Variants in ADAR observed in about 807,000 individuals in gnomAD.
ADAR encodes double-stranded RNA-specific adenosine deaminase.
Under a neutral mutation model 113.2 loss-of-function variants are expected in ADAR, and 41 were observed. The ratio of observed to expected loss-of-function variants is 0.36; its 90% CI spans 0.28 to 0.47. The LOEUF (loss-of-function observed/expected upper bound fraction) is 0.47. ADAR is among the 20% of genes least tolerant of loss of function. The pLI is 1.00. For missense variants in ADAR, 1,242 were observed against 1,540.9 expected, an observed-to-expected ratio of 0.81 and a Z score of 3.25; for synonymous variants, 605 against 572.6, an observed-to-expected ratio of 1.06 and a Z score of -0.81.
upstream of ADAR, among the ~76,000 whole-genome samples, chr1:154,609,919 C>T (rs934243401): frequency 5.9e-5 from 9 of 152,286 alleles, no homozygotes; most frequent in South Asian, 6.2e-4. Flanking sequence ...GTCATCTCCT[C>T]GGGGGCAGGA....
Position 154,598,491 on chromosome 1 carries a change from T to A in ADAR, c.1696A>T (p.Met566Leu), listed in dbSNP as rs777616553. 3.7e-6 allele frequency: 6 copies of A among 1,614,234 alleles called. No homozygotes were observed. The highest frequency in any genetic ancestry group is 1.7e-5 in the Admixed American group (1 of 60,028). ...VAKQDAAMKA[M>L]TILLEEAKAK... is the part of the protein sequence containing the mutation. ...TTGGCTTCCTCTAGCAGAATTGTCA[T>A]GGCTTTCATAGCTGCATCCTGCTTG... Residue 566 changes from methionine to leucine, a missense_variant, in exon 3 of 15, where the codon ATG (methionine) becomes TTG (leucine). Around this residue, in one of 2 missense-constraint regions of ADAR, gnomAD observed 780 missense variants for 1,057.9 expected, o/e 0.74. Coordinates refer to ENST00000368474, the MANE Select transcript of ADAR (RefSeq NM_001111.5).
Position 154,601,262 on chromosome 1 carries a change from T to A in ADAR, c.1380A>T (p.Pro460=). 6.2e-7 allele frequency: 1 copy of A among 1,614,238 alleles called. No individual in the cohort carries two copies. The highest frequency in any genetic ancestry group is 8.5e-7 in the Non-Finnish European group (1 of 1,180,042). ...CTGCGCGGATACTATTCAAGTCATC[T>A]GGGATGTCATCTGTGGCCCACTGGC... ...ENGQWATDDI[P]DDLNSIRAAP... The change falls in exon 2 of 15, where the codon CCA becomes CCT. Residue 460 remains proline, a synonymous_variant. Transcript: ENST00000368474. The surrounding 1 kb of genome is among the most constrained non-coding windows in gnomAD (Gnocchi z 4.7).
In ADAR at chr1:154,588,651, T is replaced by G. The variant is rs1696926150; in HGVS notation, c.2785A>C (p.Lys929Gln). The change falls in exon 10 of 15, where the codon AAA (lysine) becomes CAA (glutamine). Residue 929 changes from lysine (K) to glutamine (Q), a missense_variant. By Grantham distance (53) the Lys-to-Gln change is moderately conservative (BLOSUM62 1). Around this residue, in one of 2 missense-constraint regions of ADAR, gnomAD observed 780 missense variants for 1,057.9 expected, o/e 0.74. Coordinates refer to ENST00000368474, the MANE Select transcript of ADAR (RefSeq NM_001111.5). ...TCCTTCGCAGTCTGGGAGTTGTATT[T>G]CATTAACTCACTGTAGAGAAACCTA... ...FIRFLYSELM[K>Q]YNSQTAKDSI... The G allele has an allele frequency of 6.2e-7, 1 of 1,614,246 alleles. No individual in the cohort carries two copies. The highest frequency in any genetic ancestry group is 8.5e-7 in the Non-Finnish European group (1 of 1,180,032).
chr1:154,615,494 C>T (rs1216127399), intron 1 of ADAR, among the ~76,000 whole-genome samples: 2 of 152,194 alleles, frequency 1.3e-5, no homozygotes, highest in African/African-American at 2.4e-5. Flanking sequence ...ACTGCAATCT[C>T]AAACTCCTGG....
Position 154,601,057 on chromosome 1 carries a change from G to A in ADAR, c.1585C>T (p.Pro529Ser). Reference sequence around the variant, plus strand: ...GTCTCTTACCGAGGTTCATGGGGTGGTCCACTCTGCTCTATCATGTTGAAC... The same window carrying A: ...GTCTCTTACCGAGGTTCATGGGGTGATCCACTCTGCTCTATCATGTTGAAC... The part of the protein sequence containing the change: ...CEFNMIEQSG[P>S]PHEPRFKFQV... The change falls in exon 2 of 15, where the codon CCA becomes TCA. Residue 529 changes from proline to serine, a missense_variant. Physicochemically the swap from Pro to Ser is moderately conservative, Grantham distance 74. This residue lies in a region of ADAR where 780 missense variants were observed against 1,057.9 expected (regional missense o/e 0.74). Transcript: ENST00000368474. This position sits in a 1 kb window ranked among gnomAD's most constrained non-coding sequence, Gnocchi z 4.7. 1 of 1,614,118 alleles carries A rather than the reference G, an allele frequency of 6.2e-7. No homozygotes were observed. Among genetic ancestry groups the A allele is most frequent in the Non-Finnish European group, 8.5e-7 (1 of 1,180,022 alleles).
chr1:154,604,482 C>T (rs1441323765), intron 1 of ADAR, among the ~76,000 whole-genome samples: 1 of 152,226 alleles, frequency 6.6e-6, no homozygotes, highest in African/African-American at 2.4e-5. Flanking sequence ...TGGAGAAGGA[C>T]CTTGACTTGT....
intron 1 of ADAR, among the ~76,000 whole-genome samples, chr1:154,623,757 C>T (rs1698857496): frequency 6.6e-6 from 1 of 152,128 alleles, no homozygotes; most frequent in African/African-American, 2.4e-5. Flanking sequence ...AATCCCAGCA[C>T]TTTGGGAGGC....
rs763453697 is a variant in ADAR at position 154,588,604 on chromosome 1, C to T, written c.2832G>A (p.Lys944=). ...TTTTTATTTGGAGCTTTTCTCCTCC[C>T]TTAGCAGGTTCAAATATACTATCCT... is the stretch of plus-strand genomic sequence containing the variant. ...TAKDSIFEPA[K]GGEKLQIKKT... The change falls in exon 10 of 15, where the codon AAG becomes AAA. Residue 944 remains lysine (K), a synonymous_variant. Coordinates refer to ENST00000368474, the MANE Select transcript of ADAR (RefSeq NM_001111.5). 1.2e-6 allele frequency: 2 copies of T among 1,614,146 alleles called. No homozygotes were observed. The highest frequency in any genetic ancestry group is 4.5e-5 in the East Asian group (2 of 44,882).
At chr1:154,609,720 C>T (rs998335558), upstream of ADAR, among the ~76,000 whole-genome samples, 6 of 152,216 alleles carry the variant, frequency 3.9e-5, no homozygotes, top group African/African-American at 2.4e-5. Context: ...GCGCTAAAAA[C>T]GCCCCATTCG....
chr1:154,583,364 C>T lies in ADAR; in HGVS notation c.*1442G>A, dbSNP rs1185015447. The T allele has an allele frequency of 6.6e-6, 1 of 152,216 alleles. No homozygotes were observed. The highest frequency in any genetic ancestry group is 1.5e-5 in the Non-Finnish European group (1 of 68,036). The allele number at this position is 152,216 out of a possible 1,614,324, so 9.4% of individuals were successfully genotyped here. A position where few individuals can be genotyped will look rare whatever the true frequency, so the allele number is the denominator to read the frequency against. ...GTCCCTTCAACATGAGTAAAGGAAACAGTTTCAAGCACTGACAGTTTTTAC... is the reference window on the plus strand; with the variant it reads ...GTCCCTTCAACATGAGTAAAGGAAATAGTTTCAAGCACTGACAGTTTTTAC... On this transcript the variant is annotated 3_prime_UTR_variant, in exon 15 of 15. Transcript: ENST00000368474.
At position 154,608,153 on chromosome 1, in the gene ADAR, G is replaced by C. The variant is rs991087740; in HGVS notation, c.-147C>G. 2 of 1,010,364 alleles carry C rather than the reference G, an allele frequency of 2.0e-6. No homozygotes were observed. The highest frequency in any genetic ancestry group is 1.7e-5 in the African/African-American group (1 of 57,796). 62.6% of individuals were successfully genotyped at this position (1,010,364 alleles called of 1,614,324 possible). On this transcript the variant is annotated 5_prime_UTR_variant, in exon 1 of 15. Transcript: ENST00000368474. ...GGGCGTCGGCACGGGAAACTCCGCG[G>C]GTCTGCGCGCCGGGCCCAAGATGGC...
At chr1:154,626,971 C>T (rs995920869) in intron 1 of ADAR, among the ~76,000 whole-genome samples, 1 of 152,174 alleles carries the variant, frequency 6.6e-6, no homozygotes, top group African/African-American at 2.4e-5. Context: ...GCCTTCTCTG[C>T]CCCCAATGAC....
intron 12 of ADAR, 81 bp from the exon 13 acceptor site, chr1:154,585,946 A>G (rs1183565569): frequency 9.7e-6 from 13 of 1,345,086 alleles, no homozygotes; most frequent in African/African-American, 4.3e-5. Flanking sequence ...GGGATTTTGG[A>G]GGTACAAGAT....
intron 6 of ADAR, among the ~76,000 whole-genome samples, chr1:154,595,055 A>G (rs760556474): frequency 6.6e-5 from 10 of 152,190 alleles, no homozygotes; most frequent in Non-Finnish European, 1.3e-4. Context: ...CACCAAGTGC[A>G]GGGCTCTGTA....
chr1:154,627,884 G>T, exon 1 of ADAR: 1 of 518,294 alleles, frequency 1.9e-6, no homozygotes, highest in South Asian at 1.4e-5. Flanking sequence ...GGACACGGCC[G>T]GACACCCGGA....
intron 1 of ADAR, among the ~76,000 whole-genome samples, chr1:154,617,822 C>A (rs1399990852): frequency 1.3e-5 from 2 of 151,832 alleles, no homozygotes; most frequent in African/African-American, 2.4e-5. Flanking sequence ...TATTTAATAT[C>A]TTTTCTACCT....
intron 6 of ADAR, 21 bp from the exon 7 acceptor site, chr1:154,590,430 A>C: frequency 6.2e-7 from 1 of 1,610,902 alleles, no homozygotes; most frequent in Non-Finnish European, 8.5e-7. Context: ...AGAAACAGAG[A>C]ATGAAGACAA....
intron 6 of ADAR, among the ~76,000 whole-genome samples, chr1:154,595,276 A>C (rs190962755): frequency 1.3e-3 from 200 of 152,274 alleles, no homozygotes; most frequent in African/African-American, 4.5e-3. Context: ...TACTCCTTCT[A>C]CTTCTAGAAA....
At chr1:154,627,828 G>A (rs1698988973) in intron 1 of ADAR, 1 of 516,842 alleles carries the variant, frequency 1.9e-6, no homozygotes, top group Admixed American at 1.9e-5. Context: ...CCAGGCAGGT[G>A]TAGCCGAGAA....
Sources: allele counts gnomAD v4.1 joint callset (sites outside exome capture counted in the v4.1 genomes callset), GRCh38; gene constraint gnomAD v4.1.1; regional missense constraint gnomAD v4.1.1; non-coding constraint Gnocchi (gnomAD v3.1); transcripts MANE v1.5; gene names NCBI Gene and HGNC (gene_info 2026-07-23, HGNC 2026-07-21).